PLCB1: variants seen among roughly 807,000 people sequenced by gnomAD.
PLCB1 encodes the protein 1-phosphatidylinositol 4,5-bisphosphate phosphodiesterase beta-1.
PLCB1 carries 46 observed loss-of-function variants against 161.8 expected under a neutral mutation model. The observed-to-expected ratio is 0.28, with a 90% CI of 0.22 to 0.36. PLCB1 has a LOEUF of 0.36. PLCB1 is among the 10% of genes least tolerant of loss of function. The probability of loss-of-function intolerance (pLI) is 1.00; values close to 1 mark genes in which losing one functional copy is unlikely to be tolerated. For missense variants in PLCB1, 1,016 were observed against 1,472.5 expected (o/e 0.69, Z 5.07); for synonymous variants, 517 against 503.7 (o/e 1.03, Z -0.35).
intron 2 of PLCB1, among the ~76,000 whole-genome samples, chr20:8,226,960 T>C (rs1167383558): frequency 1.3e-5 from 2 of 152,202 alleles, no homozygotes; most frequent in African/African-American, 4.8e-5. Flanking sequence ...GTGCTGGGAT[T>C]ACAGGCATGA....
At chr20:8,614,238 T>C (rs1331689153) in intron 3 of PLCB1, among the ~76,000 whole-genome samples, 6 of 152,126 alleles carry the variant, frequency 3.9e-5, no homozygotes, top group African/African-American at 1.4e-4. Flanking sequence ...TCTCACATGC[T>C]GTAGGTACGA....
chr20:8,387,277 T>C (rs1388939752), intron 3 of PLCB1, among the ~76,000 whole-genome samples: 2 of 152,182 alleles, frequency 1.3e-5, no homozygotes, highest in Non-Finnish European at 1.5e-5. Flanking sequence ...AGGTGCATGA[T>C]TCTTCCTTTC....
At position 8,300,389 on chromosome 20, in the gene PLCB1, G is replaced by C. The variant is rs1983846459; in HGVS notation, c.178-70993G>C. 2.0e-5 allele frequency among the ~76,000 whole-genome samples: 3 copies of C among 152,112 alleles called. No individual in the cohort carries two copies. The South Asian group carries it at 6.2e-4, about 32-fold the overall frequency. ...TCCATAATAAGGACGGGGATATAGA[G>C]AGGATGATGAATTAGGATGATTAAA... is the stretch of plus-strand genomic sequence containing the variant. On this transcript the variant is annotated intron_variant, in intron 2 of 31. Transcript: ENST00000338037.
chr20:8,618,372 AT>A (rs1176170723), intron 3 of PLCB1, among the ~76,000 whole-genome samples: 1 of 152,098 alleles, frequency 6.6e-6, no homozygotes, highest in Non-Finnish European at 1.5e-5. Context: ...CCTATTTAGA[AT>A]TGTACTGGCT....
At chr20:8,156,145 A>G (rs2051558924) in intron 2 of PLCB1, among the ~76,000 whole-genome samples, 1 of 152,200 alleles carries the variant, frequency 6.6e-6, no homozygotes, top group Non-Finnish European at 1.5e-5. Flanking sequence ...TTGTCTGGCT[A>G]CTAGAACTCA....
At chr20:8,729,633 A>G (rs1980126216) in intron 18 of PLCB1, 1 of 152,078 alleles carries the variant, frequency 6.6e-6, no homozygotes, top group African/African-American at 2.4e-5. Flanking sequence ...ATATATACAT[A>G]TATAAACACA....
At chr20:8,829,924 G>A (rs569810005) in intron 31 of PLCB1, among the ~76,000 whole-genome samples, 1 of 152,296 alleles carries the variant, frequency 6.6e-6, no homozygotes, top group Non-Finnish European at 1.5e-5. Flanking sequence ...AGATGATTCT[G>A]TCAGAAAATA....
chr20:8,803,448 T>TG lies in PLCB1; in HGVS notation c.3423+13187_3423+13188insG, dbSNP rs397699704. ...GGCCTTTGATTTTTTTTTTTTTTTTTCTACTGCCTGTAACACTAGAAAGAG... is the reference window on the plus strand; with the variant it reads ...GGCCTTTGATTTTTTTTTTTTTTTTTGCTACTGCCTGTAACACTAGAAAGAG... On this transcript the variant is annotated intron_variant, in intron 31 of 31. Transcript: ENST00000338037. Among the ~76,000 whole-genome samples, 5 of 150,814 alleles carry TG rather than the reference T, an allele frequency of 3.3e-5. No homozygotes were observed. In the East Asian group the frequency reaches 7.8e-4, roughly 23 times the overall value.
chr20:8,482,098 T>A (rs1363575773), intron 3 of PLCB1, among the ~76,000 whole-genome samples: 6 of 30,506 alleles, frequency 2.0e-4, no homozygotes, highest in Non-Finnish European at 1.8e-4. Context: ...AGGAATTTTT[T>A]TTTTTTTTTT....
chr20:8,683,485 T>C (rs931484914), intron 9 of PLCB1, among the ~76,000 whole-genome samples: 4 of 152,134 alleles, frequency 2.6e-5, no homozygotes, highest in East Asian at 3.8e-4. Context: ...ATTGTCAAGA[T>C]TGAAGAAACA....
intron 3 of PLCB1, among the ~76,000 whole-genome samples, chr20:8,589,908 C>T (rs1327818176): frequency 6.6e-6 from 1 of 152,062 alleles, no homozygotes; most frequent in Admixed American, 6.6e-5. Context: ...CATGAGCCAC[C>T]ACAGCTGGCC....
At chr20:8,624,182 G>A (rs1417955727) in intron 3 of PLCB1, among the ~76,000 whole-genome samples, 1 of 152,128 alleles carries the variant, frequency 6.6e-6, no homozygotes, top group Non-Finnish European at 1.5e-5. Flanking sequence ...CTGTTGTACT[G>A]AGTGCTACTG....
At chr20:8,806,819 G>A (rs979786871) in intron 31 of PLCB1, among the ~76,000 whole-genome samples, 7 of 152,160 alleles carry the variant, frequency 4.6e-5, no homozygotes, top group African/African-American at 1.7e-4. Flanking sequence ...TATCTTGCTA[G>A]AGAAACGTCT....
chr20:8,503,240 A>G (rs1401831530), intron 3 of PLCB1, among the ~76,000 whole-genome samples: 7 of 152,142 alleles, frequency 4.6e-5, no homozygotes. Flanking sequence ...CCTGTCTCCA[A>G]CAATACAAAG....
chr20:8,616,777 G>A (rs528073470), intron 3 of PLCB1, among the ~76,000 whole-genome samples: 5 of 152,330 alleles, frequency 3.3e-5, no homozygotes, highest in African/African-American at 1.2e-4. Flanking sequence ...TCCCCCATGA[G>A]GAGAAAGCTG....
At chr20:8,664,055 C>A (rs971423105) in intron 9 of PLCB1, among the ~76,000 whole-genome samples, 1 of 152,066 alleles carries the variant, frequency 6.6e-6, no homozygotes, top group East Asian at 1.9e-4. Context: ...AAATAAACTG[C>A]CAAACCAAAA....
At chr20:8,270,981 A>G (rs778170565) in intron 2 of PLCB1, among the ~76,000 whole-genome samples, 1 of 152,164 alleles carries the variant, frequency 6.6e-6, no homozygotes, top group Non-Finnish European at 1.5e-5. Flanking sequence ...GAAATTACCC[A>G]CAGCAGTTAC....
intron 3 of PLCB1, among the ~76,000 whole-genome samples, chr20:8,623,201 T>C (rs1419101493): frequency 6.6e-6 from 1 of 152,156 alleles, no homozygotes; most frequent in Non-Finnish European, 1.5e-5. Context: ...TCTCTCTGAC[T>C]GCTTCCAAGA....
intron 3 of PLCB1, among the ~76,000 whole-genome samples, chr20:8,517,709 G>A (rs563791220): frequency 6.6e-6 from 1 of 152,262 alleles, no homozygotes; most frequent in East Asian, 1.9e-4. Context: ...CATGGACAAG[G>A]AATGAATCTC....
Sources: gnomAD v4.1 joint callset for allele counts (sites outside exome capture counted in the v4.1 genomes callset) on GRCh38, gnomAD v4.1.1 for gene constraint, MANE v1.5 for transcripts, NCBI Gene and HGNC (gene_info 2026-07-23, HGNC 2026-07-21) for gene names.